The following LAMA2 variants were observed in gnomAD, a reference collection of about 807,000 sequenced individuals.
LAMA2 encodes laminin subunit alpha 2, also known as laminin subunit alpha-2.
A neutral mutation model predicts 364.8 loss-of-function variants in LAMA2; 269 were observed. The ratio of observed to expected loss-of-function variants is 0.74; its 90% CI spans 0.67 to 0.82. LAMA2 has a LOEUF of 0.82. LAMA2 is among the 40% of genes least tolerant of loss of function. The pLI, the probability that LAMA2 is intolerant of heterozygous loss-of-function variation, is 0.00. For missense variants in LAMA2, 3,807 were observed against 3,873.2 expected (o/e 0.98, Z 0.45); for synonymous variants, 1,379 against 1,370.6 (o/e 1.01, Z -0.14).
intron 35 of LAMA2, 82 bp downstream of exon 35, chr6:129,383,315 C>T (rs189043247): frequency 4.6e-6 from 5 of 1,087,430 alleles, no homozygotes; most frequent in Admixed American, 2.0e-5. Flanking sequence ...TGGAATTTCT[C>T]TTGTTATAAG....
rs1178525028 is a variant in LAMA2 at position 129,456,408 on chromosome 6, C to T, written c.6781C>T (p.His2261Tyr). ...AGCCAGCATTGTGCCCAGCACACAC[C>T]ATTCGACGTCTCCTCCAGGGTACAC... ...PKASIVPSTH[H>Y]STSPPGYTIL... is the part of the protein sequence containing the mutation. The change falls in exon 48 of 65, where the codon CAT (histidine) becomes TAT (tyrosine). Residue 2261 changes from histidine (H) to tyrosine (Y), a missense_variant. Physicochemically the swap from His to Tyr is moderately conservative, Grantham distance 83. This residue lies in a region of LAMA2 where 3,333 missense variants were observed against 3,345.7 expected (regional missense o/e 1.00). Transcript: ENST00000421865. The T allele has an allele frequency of 6.2e-7, 1 of 1,613,274 alleles. No homozygotes were observed. The highest frequency in any genetic ancestry group is 1.3e-5 in the African/African-American group (1 of 74,870).
intron 22 of LAMA2, among the ~76,000 whole-genome samples, chr6:129,308,504 T>C (rs1304150736): frequency 3.3e-5 from 5 of 152,218 alleles, no homozygotes; most frequent in African/African-American, 1.2e-4. Context: ...ATATGTTTAG[T>C]ACTATCATTT....
intron 12 of LAMA2, among the ~76,000 whole-genome samples, chr6:129,234,100 G>A (rs1203297120): frequency 6.6e-6 from 1 of 152,106 alleles, no homozygotes; most frequent in Non-Finnish European, 1.5e-5. Context: ...TTATCTTGAT[G>A]GGAGGCCGGA....
At chr6:129,427,372 TGCTGCTCA>T (rs1203899053) in intron 40 of LAMA2, among the ~76,000 whole-genome samples, 1 of 152,226 alleles carries the variant, frequency 6.6e-6, no homozygotes, top group Non-Finnish European at 1.5e-5. Flanking sequence ...CACGTCATAA[TGCTGCTCA>T]GTTATGTCCT....
intron 1 of LAMA2, among the ~76,000 whole-genome samples, chr6:128,991,078 G>T (rs4368833): frequency 0.57 from 86,247 of 151,894 alleles, 28,388 homozygotes; most frequent in East Asian, 0.96. Flanking sequence ...GTTGGATTTT[G>T]ATTCGAAAAG....
At chr6:128,977,147 T>C (rs1782579554) in intron 1 of LAMA2, among the ~76,000 whole-genome samples, 1 of 152,182 alleles carries the variant, frequency 6.6e-6, no homozygotes. Context: ...TTTTTTATTT[T>C]TAATTTCTTT....
At chr6:129,103,808 A>T (rs2114884611) in intron 4 of LAMA2, among the ~76,000 whole-genome samples, 1 of 151,964 alleles carries the variant, frequency 6.6e-6, no homozygotes, top group South Asian at 2.1e-4. Flanking sequence ...AAATGTTTTT[A>T]ATTTTTATGG....
At chr6:129,244,741 C>G (rs1785630431) in intron 12 of LAMA2, among the ~76,000 whole-genome samples, 1 of 152,008 alleles carries the variant, frequency 6.6e-6, no homozygotes, top group Non-Finnish European at 1.5e-5. Flanking sequence ...AAAAAAGAGG[C>G]CAGACCACAA....
intron 37 of LAMA2, among the ~76,000 whole-genome samples, chr6:129,397,025 A>G (rs1340725162): frequency 6.6e-6 from 1 of 151,628 alleles, no homozygotes; most frequent in African/African-American, 2.4e-5. Flanking sequence ...ATAAAAGAAA[A>G]CAATAATAGA....
chr6:128,893,638 A>G (rs1776596144), intron 1 of LAMA2, among the ~76,000 whole-genome samples: 1 of 151,950 alleles, frequency 6.6e-6, no homozygotes, highest in East Asian at 1.9e-4. Flanking sequence ...TTATAAAACT[A>G]TCATAAAAAT....
rs1246833236 is a variant in LAMA2, at chr6:128,961,355, ATATATATATATATT to A, written c.112+77999_112+78012del. ...TATATATATATATATATATATATAT[ATATATATATATATT>A]AGTTTATTAAGTATTAACTTATACG... On this transcript the variant is annotated intron_variant, in intron 1 of 64. Coordinates refer to ENST00000421865, the MANE Select transcript of LAMA2 (RefSeq NM_000426.4). Among the ~76,000 whole-genome samples, 25 of 80,092 alleles carry A rather than the reference ATATATATATATATT, an allele frequency of 3.1e-4. 1 individual carries two copies. Among genetic ancestry groups the A allele is most frequent in the African/African-American group, 1.3e-3 (25 of 19,064 alleles). 52.5% of individuals were successfully genotyped at this position (80,092 alleles called of 152,430 possible).
intron 36 of LAMA2, among the ~76,000 whole-genome samples, 158 bp downstream of exon 36, chr6:129,391,811 CTATCTATT>C (rs1196485419): frequency 6.6e-6 from 1 of 152,126 alleles, no homozygotes; most frequent in Non-Finnish European, 1.5e-5. Flanking sequence ...ATCTATCTAT[CTATCTATT>C]TATCTATCTA....
chr6:129,054,381 T>C (rs1323101748), intron 2 of LAMA2, among the ~76,000 whole-genome samples: 1 of 152,166 alleles, frequency 6.6e-6, no homozygotes, highest in Non-Finnish European at 1.5e-5. Context: ...GGATTATTAG[T>C]TTCAGGTTCA....
At chr6:129,102,774 C>T (rs1411525674) in intron 4 of LAMA2, among the ~76,000 whole-genome samples, 1 of 152,194 alleles carries the variant, frequency 6.6e-6, no homozygotes, top group Admixed American at 6.5e-5. Flanking sequence ...CCTGTGTGAA[C>T]TTTCTGATGC....
At chr6:129,030,540 A>G (rs917929825) in intron 1 of LAMA2, among the ~76,000 whole-genome samples, 2 of 152,156 alleles carry the variant, frequency 1.3e-5, no homozygotes, top group African/African-American at 2.4e-5. Context: ...TATCCCATCT[A>G]TATTATAGCT....
chr6:128,929,074 A>G, intron 1 of LAMA2: 5 of 1,456,046 alleles, frequency 3.4e-6, no homozygotes, highest in Non-Finnish European at 3.8e-6. Context: ...TAATGTGGTC[A>G]TCCAGAATCC....
chr6:129,279,977 G>A, intron 17 of LAMA2, 84 bp from the exon 18 acceptor site: 2 of 892,498 alleles, frequency 2.2e-6, no homozygotes, highest in East Asian at 4.9e-5. Flanking sequence ...GAGCAGTAGT[G>A]GAGAGAGAGA....
At chr6:129,238,125 A>G (rs1383436076) in intron 12 of LAMA2, among the ~76,000 whole-genome samples, 1 of 151,998 alleles carries the variant, frequency 6.6e-6, no homozygotes, top group Non-Finnish European at 1.5e-5. Context: ...GTGAGCCAAG[A>G]TAGTGCCATT....
chr6:129,088,970 A>T (rs1448297545), intron 3 of LAMA2, among the ~76,000 whole-genome samples: 1 of 148,392 alleles, frequency 6.7e-6, no homozygotes, highest in Non-Finnish European at 1.5e-5. Context: ...GGCGGCTGGG[A>T]GGTGGAGGTT....
Sources: gnomAD v4.1 joint callset for allele counts (sites outside exome capture counted in the v4.1 genomes callset) on GRCh38, gnomAD v4.1.1 for gene constraint, gnomAD v4.1.1 regional missense constraint, MANE v1.5 for transcripts, NCBI Gene and HGNC (gene_info 2026-07-23, HGNC 2026-07-21) for gene names.